The following CLIP2 variants were observed in gnomAD, a reference collection of about 807,000 sequenced individuals.
CLIP2 encodes the protein CAP-Gly domain containing linker protein 2.
In CLIP2, 41 loss-of-function variants were observed where a neutral mutation model predicts 111.7. The observed-to-expected ratio is 0.37, with a 90% CI of 0.29 to 0.48. The LOEUF (loss-of-function observed/expected upper bound fraction) is 0.48. CLIP2 is among the 20% of genes least tolerant of loss of function. The pLI, the probability that CLIP2 is intolerant of heterozygous loss-of-function variation, is 0.99. For synonymous variants in CLIP2, 660 were observed against 644.2 expected, an observed-to-expected ratio of 1.02 and a Z score of -0.37; for missense variants, 1,160 against 1,422.1, an observed-to-expected ratio of 0.82 and a Z score of 2.96.
At chr7:74,389,979 C>A (rs1584386986) in intron 13 of CLIP2, among the ~76,000 whole-genome samples, 1 of 147,832 alleles carries the variant, frequency 6.8e-6, no homozygotes, top group African/African-American at 2.5e-5. Flanking sequence ...GTCCTAGCTA[C>A]TTGGGAGGCT....
At chr7:74,381,313 C>T (rs1373512757) in intron 11 of CLIP2, among the ~76,000 whole-genome samples, 1 of 151,902 alleles carries the variant, frequency 6.6e-6, no homozygotes, top group African/African-American at 2.4e-5. Context: ...CTCAGCCTCC[C>T]GAGTAGCTGG....
At chr7:74,321,700 C>T (rs1039431887) in intron 2 of CLIP2, among the ~76,000 whole-genome samples, 2 of 151,962 alleles carry the variant, frequency 1.3e-5, no homozygotes, top group Admixed American at 1.3e-4. Context: ...GAACTCCTGG[C>T]CTTGTGATCC....
intron 1 of CLIP2, among the ~76,000 whole-genome samples, chr7:74,310,993 T>TC (rs1438088754): frequency 6.6e-6 from 1 of 151,330 alleles, no homozygotes; most frequent in Non-Finnish European, 1.5e-5. Context: ...CTTTTTTTTT[T>TC]TTTTGAGACG....
Position 74,338,448 on chromosome 7 carries a change from G to T in CLIP2, c.122G>T (p.Gly41Val), listed in dbSNP as rs781954978. Reference protein sequence around the residue: ...SAAVAASSKEGSPLHKQSSGP... With the variant: ...SAAVAASSKEVSPLHKQSSGP... Reference sequence around the variant, plus strand: ...TCCCTTTCCCTCTCCTTCTCTGCAGGCTCCCCACTGCACAAACAGTCATCT... The same window carrying T: ...TCCCTTTCCCTCTCCTTCTCTGCAGTCTCCCCACTGCACAAACAGTCATCT... Residue 41 changes from glycine to valine, a missense_variant and splice_region_variant, in exon 3 of 17, where the codon GGC becomes GTC. By Grantham distance (109) the Gly-to-Val change is moderately radical. Transcript: ENST00000223398. This position sits in a 1 kb window ranked among gnomAD's most constrained non-coding sequence, Gnocchi z 4.3. 6.2e-7 allele frequency: 1 copy of T among 1,611,918 alleles called. No homozygotes were observed. The highest frequency in any genetic ancestry group is 1.3e-5 in the African/African-American group (1 of 74,846).
intron 3 of CLIP2, among the ~76,000 whole-genome samples, chr7:74,347,787 T>G (rs1789845767): frequency 6.6e-6 from 1 of 152,224 alleles, no homozygotes; most frequent in Non-Finnish European, 1.5e-5. Flanking sequence ...TCATGTTGTA[T>G]AAATATTCAG....
intron 2 of CLIP2, among the ~76,000 whole-genome samples, chr7:74,319,436 A>C (rs1554729691): frequency 6.6e-6 from 1 of 152,124 alleles, no homozygotes; most frequent in African/African-American, 2.4e-5. Flanking sequence ...TGGACTTAGG[A>C]GGCGGAGGCT....
At chr7:74,297,449 C>G (rs1381256263) in intron 1 of CLIP2, among the ~76,000 whole-genome samples, 2 of 151,970 alleles carry the variant, frequency 1.3e-5, no homozygotes, top group Non-Finnish European at 2.9e-5. Flanking sequence ...CACCCTCCAG[C>G]CTGGGGGACA....
intron 1 of CLIP2, among the ~76,000 whole-genome samples, chr7:74,292,458 C>G (rs1194104193): frequency 1.3e-5 from 2 of 152,220 alleles, no homozygotes; most frequent in Non-Finnish European, 2.9e-5. Context: ...GCCACCTCGG[C>G]TCACTGCAAC....
chr7:74,347,329 T>C (rs1252479202), intron 3 of CLIP2, among the ~76,000 whole-genome samples: 14 of 152,156 alleles, frequency 9.2e-5, no homozygotes, highest in African/African-American at 2.4e-4. Context: ...AGTGCAGTGG[T>C]GCGACCTCAG....
At chr7:74,381,112 C>A in intron 11 of CLIP2, 1 of 321,296 alleles carries the variant, frequency 3.1e-6, no homozygotes, top group East Asian at 5.1e-5. Context: ...GAATAGTAAA[C>A]TTAATGGAAT....
chr7:74,363,912 G>A (rs146084894), intron 7 of CLIP2, among the ~76,000 whole-genome samples: 7 of 136,936 alleles, frequency 5.1e-5, no homozygotes, highest in Non-Finnish European at 7.9e-5. Flanking sequence ...AAAAAAAAAA[G>A]GGAGGGAGGA....
chr7:74,296,402 C>T (rs781099059), intron 1 of CLIP2, among the ~76,000 whole-genome samples: 5 of 151,886 alleles, frequency 3.3e-5, no homozygotes, highest in Non-Finnish European at 5.9e-5. Flanking sequence ...CCCAGCTACT[C>T]GGGAGGCTGA....
intron 8 of CLIP2, chr7:74,364,880 A>C (rs1465138097): frequency 1.3e-5 from 6 of 455,374 alleles, no homozygotes; most frequent in Admixed American, 7.1e-5. Flanking sequence ...AAAGTTAGCC[A>C]AGCATGGTCA....
chr7:74,306,086 C>G (rs749784384), intron 1 of CLIP2, among the ~76,000 whole-genome samples: 10 of 152,128 alleles, frequency 6.6e-5, no homozygotes, highest in Non-Finnish European at 1.5e-4. Flanking sequence ...TTGGGTGGAC[C>G]TGGCAGAGTG....
At chr7:74,387,560 G>A (rs1438041641) in intron 12 of CLIP2, among the ~76,000 whole-genome samples, 1 of 152,078 alleles carries the variant, frequency 6.6e-6, no homozygotes, top group Non-Finnish European at 1.5e-5. Flanking sequence ...CCCTGGCCCT[G>A]CTTCTTGTTC....
At chr7:74,360,321 A>G in intron 7 of CLIP2, 43 bp downstream of exon 7, 1 of 1,443,786 alleles carries the variant, frequency 6.9e-7, no homozygotes, top group Non-Finnish European at 9.5e-7. Flanking sequence ...AGTCCCCTTA[A>G]GGAGGATGAG....
intron 16 of CLIP2, 93 bp from the exon 17 acceptor site, chr7:74,403,744 G>A (rs930074059): frequency 1.6e-5 from 21 of 1,328,986 alleles, no homozygotes; most frequent in African/African-American, 1.3e-4. Flanking sequence ...CCCCCACCCG[G>A]CCCCAACTCC....
chr7:74,401,358 G>C (rs537150769), intron 15 of CLIP2, 147 bp from the exon 16 acceptor site: 11 of 709,238 alleles, frequency 1.6e-5, no homozygotes, highest in South Asian at 1.0e-4. Context: ...CTAGAGGCTT[G>C]GTCTTTGGGG....
intron 8 of CLIP2, among the ~76,000 whole-genome samples, chr7:74,371,103 G>T (rs1208589437): frequency 6.6e-6 from 1 of 152,112 alleles, no homozygotes; most frequent in African/African-American, 2.4e-5. Flanking sequence ...AGTTAGCTGG[G>T]CATGATGGTA....
Sources: allele counts gnomAD v4.1 joint callset (sites outside exome capture counted in the v4.1 genomes callset), GRCh38; gene constraint gnomAD v4.1.1; non-coding constraint Gnocchi (gnomAD v3.1); transcripts MANE v1.5; gene names NCBI Gene and HGNC (gene_info 2026-07-23, HGNC 2026-07-21).